The following FRMD4B variants were observed in gnomAD, a reference collection of about 807,000 sequenced individuals.
FRMD4B encodes FERM domain-containing protein 4B.
In FRMD4B, 74 loss-of-function variants were observed where a neutral mutation model predicts 141.5. The ratio of observed to expected loss-of-function variants is 0.52; its 90% CI spans 0.43 to 0.63. The LOEUF (loss-of-function observed/expected upper bound fraction) is 0.63, where lower values mean the gene tolerates loss of function less well. Ranked by LOEUF, FRMD4B falls within the 30% of genes least tolerant of loss-of-function variation. The pLI, the probability that FRMD4B is intolerant of heterozygous loss-of-function variation, is 0.00. For synonymous variants in FRMD4B, 506 were observed against 467.9 expected, an observed-to-expected ratio of 1.08 and a Z score of -1.05; for missense variants, 1,366 against 1,253.4, an observed-to-expected ratio of 1.09 and a Z score of -1.36.
intron 1 of FRMD4B, among the ~76,000 whole-genome samples, chr3:69,499,160 G>A (rs1009883391): frequency 6.6e-6 from 1 of 152,202 alleles, no homozygotes; most frequent in Non-Finnish European, 1.5e-5. Flanking sequence ...TACAACAGGA[G>A]ACAGAAAACT....
chr3:69,381,135 A>G (rs1292194575), intron 1 of FRMD4B, among the ~76,000 whole-genome samples: 1 of 152,220 alleles, frequency 6.6e-6, no homozygotes, highest in Non-Finnish European at 1.5e-5. Flanking sequence ...AGGCAGCCTC[A>G]ATGCAGCCTG....
chr3:69,206,576 C>T lies in FRMD4B; in HGVS notation c.877-7802G>A, dbSNP rs577484075. ...GACATCCTGTTAAGACTCTCGTTAG[C>T]GTGCTCACTGATGTATTTGATGCCA... On this transcript the variant is annotated intron_variant, in intron 11 of 22. Transcript: ENST00000398540. 1.4e-4 allele frequency among the ~76,000 whole-genome samples: 22 copies of T among 152,318 alleles called. 1 individual carries two copies. Among genetic ancestry groups the T allele is most frequent in the African/African-American group, 5.3e-4 (22 of 41,570 alleles).
intron 21 of FRMD4B, among the ~76,000 whole-genome samples, chr3:69,177,135 C>A (rs1485847359): frequency 6.6e-6 from 1 of 152,042 alleles, no homozygotes; most frequent in Non-Finnish European, 1.5e-5. Flanking sequence ...GCTAAGAGTT[C>A]AAGACCAGCC....
At chr3:69,527,849 T>C (rs1161317657) in intron 1 of FRMD4B, among the ~76,000 whole-genome samples, 1 of 152,178 alleles carries the variant, frequency 6.6e-6, no homozygotes, top group Non-Finnish European at 1.5e-5. Flanking sequence ...CTTAGGCAGG[T>C]CAAAACAATT....
chr3:69,337,249 C>A (rs1702586991), intron 1 of FRMD4B, among the ~76,000 whole-genome samples: 1 of 152,074 alleles, frequency 6.6e-6, no homozygotes, highest in African/African-American at 2.4e-5. Context: ...AACTGGCTAG[C>A]CATATGTAGA....
intron 10 of FRMD4B, among the ~76,000 whole-genome samples, chr3:69,217,551 G>A (rs960459281): frequency 1.3e-5 from 2 of 152,174 alleles, no homozygotes; most frequent in Non-Finnish European, 2.9e-5. Flanking sequence ...AAACCCGGGA[G>A]GCAGAGGTTG....
chr3:69,238,605 G>A (rs1185931985), intron 7 of FRMD4B, among the ~76,000 whole-genome samples: 1 of 152,172 alleles, frequency 6.6e-6, no homozygotes, highest in African/African-American at 2.4e-5. Flanking sequence ...GCAACACAGT[G>A]AAATCTCATC....
intron 1 of FRMD4B, among the ~76,000 whole-genome samples, chr3:69,525,054 G>A (rs758596226): frequency 6.6e-6 from 1 of 152,212 alleles, no homozygotes; most frequent in East Asian, 1.9e-4. Context: ...CAGGCAGAAT[G>A]GAAGTGGGAC....
intron 17 of FRMD4B, among the ~76,000 whole-genome samples, chr3:69,192,666 C>G (rs1307082727): frequency 6.6e-6 from 1 of 152,130 alleles, no homozygotes; most frequent in African/African-American, 2.4e-5. Context: ...AATTTCACAA[C>G]TGTTAGTATT....
intron 4 of FRMD4B, among the ~76,000 whole-genome samples, chr3:69,293,735 G>C (rs1052590040): frequency 6.6e-6 from 1 of 151,896 alleles, no homozygotes; most frequent in African/African-American, 2.4e-5. Context: ...ACAAAAATTA[G>C]CTGGGTTTGG....
intron 2 of FRMD4B, among the ~76,000 whole-genome samples, chr3:69,394,142 AG>A (rs1444355377): frequency 5.3e-5 from 8 of 152,346 alleles, no homozygotes; most frequent in African/African-American, 1.9e-4. Context: ...GGGAAGTACA[AG>A]ATCAAGGTGC....
At chr3:69,342,345 A>C (rs1282185107) in intron 1 of FRMD4B, among the ~76,000 whole-genome samples, 2 of 152,216 alleles carry the variant, frequency 1.3e-5, no homozygotes, top group East Asian at 3.8e-4. Context: ...CATGTGTCCA[A>C]ATGACAGAAT....
chr3:69,475,107 G>A (rs1705962405), intron 1 of FRMD4B, among the ~76,000 whole-genome samples: 1 of 152,140 alleles, frequency 6.6e-6, no homozygotes, highest in African/African-American at 2.4e-5. Context: ...ACAGGGCCAG[G>A]TTATTACTTA....
At chr3:69,530,395 T>C (rs1303615204) in intron 1 of FRMD4B, among the ~76,000 whole-genome samples, 1 of 152,158 alleles carries the variant, frequency 6.6e-6, no homozygotes, top group Non-Finnish European at 1.5e-5. Context: ...GAGTCTGGCA[T>C]GCCCCAACCC....
chr3:69,490,977 C>G (rs1277002572), intron 1 of FRMD4B, among the ~76,000 whole-genome samples: 1 of 152,142 alleles, frequency 6.6e-6, no homozygotes, highest in Admixed American at 6.5e-5. Flanking sequence ...TTTTTTGATG[C>G]TAAAAACCTC....
chr3:69,522,548 G>T (rs945796313), intron 1 of FRMD4B, among the ~76,000 whole-genome samples: 1 of 152,132 alleles, frequency 6.6e-6, no homozygotes, highest in Admixed American at 6.5e-5. Flanking sequence ...AAGAAGTGGA[G>T]TTTGGTGAGT....
chr3:69,394,082 G>T (rs542047696), intron 2 of FRMD4B, among the ~76,000 whole-genome samples: 8 of 152,296 alleles, frequency 5.3e-5, no homozygotes, highest in African/African-American at 1.9e-4. Context: ...AGTCCCACAG[G>T]ACTGAGTGGC....
intron 1 of FRMD4B, among the ~76,000 whole-genome samples, chr3:69,323,608 G>GTA (rs55847019): frequency 0.035 from 3,515 of 99,836 alleles, 79 homozygotes; most frequent in East Asian, 0.043. Flanking sequence ...CTCTCTCTGT[G>GTA]TATATATATA....
At chr3:69,470,420 T>G (rs1169984599) in intron 1 of FRMD4B, among the ~76,000 whole-genome samples, 5 of 152,224 alleles carry the variant, frequency 3.3e-5, no homozygotes, top group Non-Finnish European at 7.3e-5. Context: ...AGTCCAGTTT[T>G]TTTTAATTTA....
Sources: allele counts gnomAD v4.1 joint callset (sites outside exome capture counted in the v4.1 genomes callset), GRCh38; gene constraint gnomAD v4.1.1; transcripts MANE v1.5; gene names NCBI Gene and HGNC (gene_info 2026-07-23, HGNC 2026-07-21).